ATP9B: variants seen among roughly 807,000 people sequenced by gnomAD.
ATP9B encodes the protein ATPase phospholipid transporting 9B.
In ATP9B, 110 loss-of-function variants were observed where a neutral mutation model predicts 146.1. The observed-to-expected ratio is 0.75, with a 90% CI of 0.65 to 0.88. The LOEUF (loss-of-function observed/expected upper bound fraction) is 0.88. Ranked by LOEUF, ATP9B falls within the 40% of genes least tolerant of loss-of-function variation. ATP9B has a pLI of 0.00. For missense variants in ATP9B, 1,499 were observed against 1,496.4 expected (o/e 1.00, Z -0.03); for synonymous variants, 604 against 569.7 (o/e 1.06, Z -0.86).
intron 8 of ATP9B, among the ~76,000 whole-genome samples, chr18:79,183,590 GC>G (rs2095273870): frequency 6.6e-6 from 1 of 151,586 alleles, no homozygotes; most frequent in African/African-American, 2.4e-5. Flanking sequence ...AGTTTCTGTT[GC>G]CCATATAAAA....
chr18:79,097,192 C>T (rs2074862011), intron 2 of ATP9B, among the ~76,000 whole-genome samples: 1 of 150,354 alleles, frequency 6.7e-6, no homozygotes, highest in Admixed American at 6.6e-5. Context: ...AAATTAGTGA[C>T]TTTATAGCTA....
intron 5 of ATP9B, among the ~76,000 whole-genome samples, chr18:79,139,379 T>C (rs2094486702): frequency 6.6e-6 from 1 of 152,238 alleles, no homozygotes; most frequent in African/African-American, 2.4e-5. Context: ...TGTGGATGTT[T>C]TGCAGCAGGA....
At chr18:79,287,939 C>G (rs2146034411) in intron 13 of ATP9B, among the ~76,000 whole-genome samples, 1 of 151,532 alleles carries the variant, frequency 6.6e-6, no homozygotes, top group Non-Finnish European at 1.5e-5. Flanking sequence ...GAGTGAGTTT[C>G]TTAATCCTGA....
chr18:79,303,530 T>C, intron 13 of ATP9B, 74 bp from the exon 14 acceptor site: 1 of 1,213,122 alleles, frequency 8.2e-7, no homozygotes, highest in Non-Finnish European at 1.2e-6. Flanking sequence ...GCAGCATGCC[T>C]GCATGGTAGG....
intron 15 of ATP9B, among the ~76,000 whole-genome samples, chr18:79,323,573 G>T (rs1009825655): frequency 2.0e-5 from 3 of 152,072 alleles, no homozygotes; most frequent in African/African-American, 7.2e-5. Context: ...GTCTTTCTGT[G>T]CCCGGCTGAT....
chr18:79,123,617 C>T (rs561602864), intron 4 of ATP9B, among the ~76,000 whole-genome samples: 326 of 151,482 alleles, frequency 2.2e-3, no homozygotes, highest in Non-Finnish European at 2.3e-3. Flanking sequence ...GTGGCTAATA[C>T]GTCATAGAAA....
chr18:79,261,982 G>A (rs2096146502), intron 12 of ATP9B, among the ~76,000 whole-genome samples: 2 of 152,062 alleles, frequency 1.3e-5, no homozygotes, highest in Non-Finnish European at 2.9e-5. Context: ...GTGCTTTTGG[G>A]AGGTGTTGTG....
chr18:79,155,840 G>A (rs1430513480), intron 7 of ATP9B, among the ~76,000 whole-genome samples: 5 of 131,364 alleles, frequency 3.8e-5, no homozygotes. Context: ...TCCGCTCACT[G>A]CAAGCTCCGC....
chr18:79,326,767 T>C (rs1486470143), intron 15 of ATP9B, among the ~76,000 whole-genome samples: 1 of 152,158 alleles, frequency 6.6e-6, no homozygotes, highest in African/African-American at 2.4e-5. Context: ...AAATCTGATT[T>C]TAAAGGTAGT....
chr18:79,210,450 C>A (rs1298527645), intron 10 of ATP9B, among the ~76,000 whole-genome samples: 1 of 152,088 alleles, frequency 6.6e-6, no homozygotes, highest in Non-Finnish European at 1.5e-5. Context: ...TGTGTCTCAG[C>A]CATGTGGACT....
intron 5 of ATP9B, among the ~76,000 whole-genome samples, chr18:79,129,568 G>GA (rs1332330928): frequency 6.6e-6 from 1 of 151,982 alleles, no homozygotes; most frequent in African/African-American, 2.4e-5. Flanking sequence ...CTGAATATAA[G>GA]AATGGAAGAG....
At chr18:79,322,778 G>T (rs937875609) in intron 15 of ATP9B, among the ~76,000 whole-genome samples, 1 of 152,188 alleles carries the variant, frequency 6.6e-6, no homozygotes, top group Non-Finnish European at 1.5e-5. Context: ...TCATGTTTGA[G>T]AGTGGGAAGC....
chr18:79,272,202 G>T (rs2096263014), intron 12 of ATP9B, among the ~76,000 whole-genome samples: 1 of 152,168 alleles, frequency 6.6e-6, no homozygotes, highest in South Asian at 2.1e-4. Context: ...TCACTCTGCT[G>T]TATTTTCTGT....
intron 11 of ATP9B, among the ~76,000 whole-genome samples, chr18:79,237,345 G>A (rs1441349031): frequency 2.5e-4 from 31 of 125,004 alleles, no homozygotes; most frequent in Non-Finnish European, 4.4e-4. Flanking sequence ...CTGTGTGCAC[G>A]GTCCGTGCAC....
At chr18:79,213,313 T>G (rs2095600080) in intron 10 of ATP9B, among the ~76,000 whole-genome samples, 1 of 152,134 alleles carries the variant, frequency 6.6e-6, no homozygotes, top group Non-Finnish European at 1.5e-5. Context: ...ATAAGTGCCC[T>G]TTAGCCTTTG....
chr18:79,268,620 G>A (rs1242255648), intron 12 of ATP9B, among the ~76,000 whole-genome samples: 1 of 152,052 alleles, frequency 6.6e-6, no homozygotes, highest in East Asian at 1.9e-4. Flanking sequence ...CACCATTTTT[G>A]TCATTTATTT....
intron 14 of ATP9B, among the ~76,000 whole-genome samples, chr18:79,304,632 T>C (rs2096610878): frequency 6.6e-6 from 1 of 152,226 alleles, no homozygotes; most frequent in East Asian, 1.9e-4. Flanking sequence ...GTGGGTTGTG[T>C]ATAGAGTCTG....
At chr18:79,140,478 A>T (rs1002634576) in intron 5 of ATP9B, among the ~76,000 whole-genome samples, 1 of 152,126 alleles carries the variant, frequency 6.6e-6, no homozygotes, top group Non-Finnish European at 1.5e-5. Flanking sequence ...CATTGGTATA[A>T]GAACAGGTGG....
At chr18:79,328,763 T>G (rs541833178) in intron 15 of ATP9B, among the ~76,000 whole-genome samples, 1 of 152,178 alleles carries the variant, frequency 6.6e-6, no homozygotes, top group Admixed American at 6.5e-5. Context: ...TCCATGGAAC[T>G]GGGGAGGGAG....
Sources: allele counts gnomAD v4.1 joint callset (sites outside exome capture counted in the v4.1 genomes callset), GRCh38; gene constraint gnomAD v4.1.1; transcripts MANE v1.5; gene names NCBI Gene and HGNC (gene_info 2026-07-23, HGNC 2026-07-21).